SLC34A1: variants seen among roughly 807,000 people sequenced by gnomAD.
The protein encoded by SLC34A1 is sodium-dependent phosphate transport protein 2A.
In SLC34A1, 57 loss-of-function variants were observed where a neutral mutation model predicts 51.4. That is an observed-to-expected ratio of 1.11 (90% CI 0.90 to 1.38). The LOEUF (loss-of-function observed/expected upper bound fraction) is 1.38, where lower values mean the gene tolerates loss of function less well. SLC34A1 is among the 40% of genes most tolerant of loss of function. The pLI is 0.00. For synonymous variants in SLC34A1, 368 were observed against 358.0 expected (o/e 1.03, Z -0.32); for missense variants, 796 against 835.6 (o/e 0.95, Z 0.58).
chr5:177,393,626 C>T (rs1002341111), intron 8 of SLC34A1, 68 bp from the exon 9 acceptor site: 74 of 1,490,382 alleles, frequency 5.0e-5, no homozygotes, highest in Non-Finnish European at 6.8e-5. Flanking sequence ...CTCTCCCTAA[C>T]TCCCATCTCA....
At position 177,397,867 on chromosome 5, in the gene SLC34A1, G is replaced by A. The variant is rs765864765; in HGVS notation, c.1501G>A (p.Ala501Thr). ...CTGCACACGCCTGCCCATCCGCATG[G>A]CCAAGGCGCTGGGGAAACGCACGGC... is the stretch of plus-strand genomic sequence containing the variant. ...VPCTRLPIRM[A>T]KALGKRTAKY... The change falls in exon 13 of 13, where the codon GCC (alanine) becomes ACC (threonine). Residue 501 changes from alanine to threonine, a missense_variant. Transcript: ENST00000324417. 6 of 1,613,780 alleles carry A rather than the reference G, an allele frequency of 3.7e-6. No individual in the cohort carries two copies. Among genetic ancestry groups the A allele is most frequent in the South Asian group, 1.1e-5 (1 of 91,084 alleles).
chr5:177,389,023 C>T (rs907098073), intron 8 of SLC34A1, among the ~76,000 whole-genome samples: 1 of 152,122 alleles, frequency 6.6e-6, no homozygotes, highest in Non-Finnish European at 1.5e-5. Flanking sequence ...TGTTAACAGC[C>T]GCTTGTGCTG....
chr5:177,398,251 G>GC lies in SLC34A1; in HGVS notation c.1886dup (p.Leu630ThrfsTer36). The GC allele has an allele frequency of 6.3e-7, 1 of 1,599,538 alleles. No individual in the cohort carries two copies. Among genetic ancestry groups the GC allele is most frequent in the African/African-American group, 1.3e-5 (1 of 75,016 alleles). ...CCCTGCCACACCCTCCCCCCGTCTT[G>GC]CACTGCCTGCTCACCACAATGCCAC... On this transcript the variant is annotated frameshift_variant, in exon 13 of 13. Coordinates refer to ENST00000324417, the MANE Select transcript of SLC34A1 (RefSeq NM_003052.5). LOFTEE classifies it high-confidence loss of function. This position sits in a 1 kb window ranked among gnomAD's most constrained non-coding sequence, Gnocchi z 4.7.
At chr5:177,385,562 G>A (rs1350817103) in intron 1 of SLC34A1, 133 bp from the exon 2 acceptor site, 1 of 661,748 alleles carries the variant, frequency 1.5e-6, no homozygotes, top group Non-Finnish European at 2.8e-6. Context: ...GTGAGTCTCG[G>A]AGGGGTGTGT....
rs1047665666 is a variant in SLC34A1 at position 177,386,584 on chromosome 5, G to A, written c.532+18G>A. On this transcript the variant is annotated intron_variant, in intron 5 of 12. Coordinates refer to ENST00000324417, the MANE Select transcript of SLC34A1 (RefSeq NM_003052.5). The surrounding 1 kb of genome is among the most constrained non-coding windows in gnomAD (Gnocchi z 4.8). ...CTCTGGCTGTGAGTTGGCCCACCAGGGTGGGGAAGAGCTTGGAGGGGCACC... is the reference window on the plus strand; with the variant it reads ...CTCTGGCTGTGAGTTGGCCCACCAGAGTGGGGAAGAGCTTGGAGGGGCACC... The A allele has an allele frequency of 6.2e-7, 1 of 1,613,536 alleles. No homozygotes were observed. Among genetic ancestry groups the A allele is most frequent in the Admixed American group, 1.7e-5 (1 of 60,024 alleles).
At position 177,397,817 on chromosome 5, in the gene SLC34A1, G is replaced by A. The variant is rs1219041208; in HGVS notation, c.1451G>A (p.Gly484Asp). The change falls in exon 13 of 13, where the codon GGT (glycine) becomes GAT (aspartate). Residue 484 changes from glycine to aspartate, a missense_variant. Physicochemically the swap from Gly to Asp is moderately conservative, Grantham distance 94 (BLOSUM62 -1). Coordinates refer to ENST00000324417, the MANE Select transcript of SLC34A1 (RefSeq NM_003052.5). Reference protein sequence around the residue: ...ALCHFFFNISGILLWYPVPCT... With the variant: ...ALCHFFFNISDILLWYPVPCT... ...TGTCACTTCTTCTTCAACATCTCGG[G>A]TATCCTTCTGTGGTACCCGGTGCCC... is the stretch of plus-strand genomic sequence containing the variant. The A allele has an allele frequency of 6.2e-7, 1 of 1,612,732 alleles. No individual in the cohort carries two copies. Among genetic ancestry groups the A allele is most frequent in the Non-Finnish European group, 8.5e-7 (1 of 1,180,008 alleles).
intron 8 of SLC34A1, among the ~76,000 whole-genome samples, chr5:177,392,873 C>G (rs551702610): frequency 4.4e-4 from 67 of 152,322 alleles, no homozygotes; most frequent in East Asian, 9.6e-4. Flanking sequence ...CCTCAGCCCC[C>G]CAAAGTGCTG....
rs1236724821 is a variant in SLC34A1, at chr5:177,388,464, G to A, written c.936+92G>A. The A allele has an allele frequency of 2.9e-5, 33 of 1,138,328 alleles. No individual in the cohort carries two copies. In the East Asian group the frequency reaches 7.0e-4, roughly 24 times the overall value. 70.5% of individuals were successfully genotyped at this position (1,138,328 alleles called of 1,614,324 possible). ...CAAAATGCTCCAGATAGACCTTGAAGATCATTTAGCCAGGAGAGGGCAAAT... is the reference window on the plus strand; with the variant it reads ...CAAAATGCTCCAGATAGACCTTGAAAATCATTTAGCCAGGAGAGGGCAAAT... On this transcript the variant is annotated intron_variant, in intron 8 of 12. Coordinates refer to ENST00000324417, the MANE Select transcript of SLC34A1 (RefSeq NM_003052.5). The surrounding 1 kb of genome is among the most constrained non-coding windows in gnomAD (Gnocchi z 4.3).
At chr5:177,396,000 G>A (rs1293052142) in intron 10 of SLC34A1, among the ~76,000 whole-genome samples, 6 of 152,014 alleles carry the variant, frequency 3.9e-5, no homozygotes, top group African/African-American at 7.3e-5. Flanking sequence ...GGCTAGTCTC[G>A]AACTCCCAGC....
chr5:177,396,655 C>A lies in SLC34A1; in HGVS notation c.1175-78C>A. 1 of 1,233,926 alleles carries A rather than the reference C, an allele frequency of 8.1e-7. No homozygotes were observed. The highest frequency in any genetic ancestry group is 1.2e-6 in the Non-Finnish European group (1 of 835,020). 76.4% of individuals were successfully genotyped at this position (1,233,926 alleles called of 1,614,324 possible). ...CAGTGCCCCCGCGGAGGTCCGCTCT[C>A]CCAGTGCCCCCGCGGAGGTCTGCTC... On this transcript the variant is annotated intron_variant, in intron 10 of 12. Transcript: ENST00000324417. The surrounding 1 kb of genome is among the most constrained non-coding windows in gnomAD (Gnocchi z 4.0).
rs1762677745 is a variant in SLC34A1, at chr5:177,388,321, C to G, written c.885C>G (p.Ser295=). 3 of 1,614,166 alleles carry G rather than the reference C, an allele frequency of 1.9e-6. No homozygotes were observed. Among genetic ancestry groups the G allele is most frequent in the Non-Finnish European group, 8.5e-7 (1 of 1,180,034 alleles). The change falls in exon 8 of 13, where the codon TCC becomes TCG. Residue 295 remains serine, a synonymous_variant. Coordinates refer to ENST00000324417, the MANE Select transcript of SLC34A1 (RefSeq NM_003052.5). The surrounding 1 kb of genome is among the most constrained non-coding windows in gnomAD (Gnocchi z 4.3). ...VITSIATGDE[S]LRNHSLIQIW... is the part of the protein sequence containing the mutation. Reference sequence around the variant, plus strand: ...CCAGCATTGCCACTGGTGATGAGTCCCTGAGGAACCACAGTCTCATCCAGA... The same window carrying G: ...CCAGCATTGCCACTGGTGATGAGTCGCTGAGGAACCACAGTCTCATCCAGA...
rs377552896 is a variant in SLC34A1 at position 177,387,805 on chromosome 5, C to T, written c.576C>T (p.Asn192=). ...CCATCCCCATCATCATGGGCTCCAA[C>T]ATCGGCACCTCTGTCACCAACACCA... ...SSAIPIIMGS[N]IGTSVTNTIV... Residue 192 remains asparagine, a synonymous_variant, in exon 6 of 13, where the codon AAC becomes AAT. Coordinates refer to ENST00000324417, the MANE Select transcript of SLC34A1 (RefSeq NM_003052.5). The T allele has an allele frequency of 6.2e-7, 1 of 1,613,768 alleles. No homozygotes were observed.
At position 177,386,304 on chromosome 5, in the gene SLC34A1, G is replaced by T. The variant is rs777574121; in HGVS notation, c.343G>T (p.Val115Phe). 6.2e-7 allele frequency: 1 copy of T among 1,614,232 alleles called. No homozygotes were observed. The highest frequency in any genetic ancestry group is 2.2e-5 in the East Asian group (1 of 44,892). Reference sequence around the variant, plus strand: ...GATGCTCACCTTCCTCTACCTCTTCGTCTGCTCCCTGGACATGCTCAGCTC... The same window carrying T: ...GATGCTCACCTTCCTCTACCTCTTCTTCTGCTCCCTGGACATGCTCAGCTC... ...PLMLTFLYLF[V>F]CSLDMLSSAF... is the part of the protein sequence containing the mutation. The change falls in exon 4 of 13, where the codon GTC (valine) becomes TTC (phenylalanine). Residue 115 changes from valine to phenylalanine, a missense_variant. Coordinates refer to ENST00000324417, the MANE Select transcript of SLC34A1 (RefSeq NM_003052.5). The surrounding 1 kb of genome is among the most constrained non-coding windows in gnomAD (Gnocchi z 4.8).
chr5:177,394,268 C>A (rs1762892251), intron 10 of SLC34A1, 73 bp downstream of exon 10: 6 of 1,489,720 alleles, frequency 4.0e-6, no homozygotes, highest in Non-Finnish European at 4.7e-6. Flanking sequence ...CCTGTGACTG[C>A]CTTGATCTGG....
chr5:177,397,621 A>C (rs1256349201), intron 12 of SLC34A1, 162 bp from the exon 13 acceptor site: 1 of 848,440 alleles, frequency 1.2e-6, no homozygotes, highest in Non-Finnish European at 1.9e-6. Context: ...TAGCCAGCAT[A>C]GCCACCTCGG....
chr5:177,390,172 G>A, intron 8 of SLC34A1: 2 of 1,004,860 alleles, frequency 2.0e-6, no homozygotes, highest in Non-Finnish European at 1.2e-6. Context: ...ACCTGAACCA[G>A]CCCGAAACAG....
In SLC34A1 at chr5:177,387,948, T is replaced by A. The variant is rs190044603; in HGVS notation, c.645-46T>A. ...AGATGCCAGGAACCCCAGGCGTGAC[T>A]GTGCACTGGCTCGAGCCTGCCTTGC... is the stretch of plus-strand genomic sequence containing the variant. On this transcript the variant is annotated intron_variant, in intron 6 of 12. Transcript: ENST00000324417. 1,759 of 1,610,898 alleles carry A rather than the reference T, an allele frequency of 1.1e-3. 29 individuals carry two copies. The East Asian group carries it at 0.028, about 26-fold the overall frequency.
At chr5:177,397,529 G>A (rs1763009271) in intron 12 of SLC34A1, 3 of 585,600 alleles carry the variant, frequency 5.1e-6, no homozygotes, top group Non-Finnish European at 9.1e-6. Flanking sequence ...GGATTCCTGT[G>A]CGAGGGGTCA....
At chr5:177,390,428 C>T (rs967672408) in intron 8 of SLC34A1, 2 of 966,272 alleles carry the variant, frequency 2.1e-6, no homozygotes, top group African/African-American at 1.8e-5. Flanking sequence ...ATTTTACAGA[C>T]GAGGAGCACT....
Sources: gnomAD v4.1 joint callset for allele counts (sites outside exome capture counted in the v4.1 genomes callset) on GRCh38, gnomAD v4.1.1 for gene constraint, Gnocchi (gnomAD v3.1) non-coding constraint, MANE v1.5 for transcripts, NCBI Gene and HGNC (gene_info 2026-07-23, HGNC 2026-07-21) for gene names.